The following ARSG variants were observed in gnomAD, a reference collection of about 807,000 sequenced individuals.
ARSG encodes the protein ASG.
A neutral mutation model predicts 50.5 loss-of-function variants in ARSG; 37 were observed. The observed-to-expected ratio is 0.73, with a 90% CI of 0.56 to 0.96. ARSG has a LOEUF of 0.96. Among genes scored for constraint, ARSG ranks in the 50% least tolerant of loss-of-function variants. The pLI, the probability that ARSG is intolerant of heterozygous loss-of-function variation, is 0.00. For missense variants in ARSG, 629 were observed against 675.3 expected (o/e 0.93, Z 0.76); for synonymous variants, 225 against 254.6 (o/e 0.88, Z 1.11).
chr17:68,359,103 C>T (rs921782139), intron 6 of ARSG, among the ~76,000 whole-genome samples: 18 of 152,058 alleles, frequency 1.2e-4, no homozygotes, highest in African/African-American at 4.1e-4. Flanking sequence ...GTGGAGCTTG[C>T]AGTGAGCCGA....
chr17:68,269,919 C>T (rs138614022), intron 1 of ARSG, among the ~76,000 whole-genome samples: 29,318 of 151,868 alleles, frequency 0.19, 2,867 homozygotes, highest in Middle Eastern at 0.3. Flanking sequence ...ATGATCCGCC[C>T]GCCTCATCCT....
At chr17:68,329,309 G>A (rs550213103) in intron 2 of ARSG, among the ~76,000 whole-genome samples, 269 of 152,376 alleles carry the variant, frequency 1.8e-3, no homozygotes, top group Admixed American at 4.1e-3. Context: ...ATGCCACACA[G>A]GGTCCAGATC....
At chr17:68,387,055 C>T (rs895436911) in intron 9 of ARSG, among the ~76,000 whole-genome samples, 7 of 150,708 alleles carry the variant, frequency 4.6e-5, no homozygotes, top group African/African-American at 1.2e-4. Context: ...CAATGACTTT[C>T]GCACCAACCT....
intron 1 of ARSG, among the ~76,000 whole-genome samples, chr17:68,264,146 G>A (rs1228216624): frequency 2.0e-5 from 3 of 152,142 alleles, no homozygotes; most frequent in Non-Finnish European, 2.9e-5. Context: ...ACAGGTGTGC[G>A]CCACCACGCC....
chr17:68,381,403 G>A lies in ARSG; in HGVS notation c.983-3661G>A, dbSNP rs1389966860. On this transcript the variant is annotated intron_variant, in intron 8 of 11. Coordinates refer to ENST00000621439, the MANE Select transcript of ARSG (RefSeq NM_001267727.2). The surrounding 1 kb of genome is among the most constrained non-coding windows in gnomAD (Gnocchi z 4.1). The stretch of plus-strand genomic sequence containing the variant: ...CAAGTGCGTAGAAATGCATTCTCAT[G>A]GCCATAAGACACGCATTTCTCGACA... Among the ~76,000 whole-genome samples, 2 of 152,180 alleles carry A rather than the reference G, an allele frequency of 1.3e-5. No individual in the cohort carries two copies. Among genetic ancestry groups the A allele is most frequent in the African/African-American group, 2.4e-5 (1 of 41,450 alleles).
the ARSG span, chr17:68,433,698 C>T: frequency 3.5e-6 from 2 of 576,820 alleles, no homozygotes; most frequent in South Asian, 2.1e-5. Context: ...GACCCAGATC[C>T]CTTAAACACT....
intron 2 of ARSG, among the ~76,000 whole-genome samples, chr17:68,314,546 TTAAG>T (rs2076998338): frequency 6.6e-5 from 8 of 120,976 alleles, no homozygotes; most frequent in Non-Finnish European, 1.3e-4. Flanking sequence ...AAAAAAAAAA[TTAAG>T]TAATCTGTAA....
chr17:68,272,626 G>A (rs1555749330), intron 1 of ARSG: 1 of 1,613,206 alleles, frequency 6.2e-7, no homozygotes, highest in South Asian at 1.1e-5. Context: ...TTAGGCTGTT[G>A]TAGTCCACCT....
At chr17:68,376,671 C>T (rs998170962) in intron 8 of ARSG, among the ~76,000 whole-genome samples, 1 of 151,834 alleles carries the variant, frequency 6.6e-6, no homozygotes, top group Non-Finnish European at 1.5e-5. Context: ...TTCCCACTCC[C>T]CCTCCAGCAT....
chr17:68,388,183 G>A (rs79328039), intron 9 of ARSG, among the ~76,000 whole-genome samples: 4,386 of 152,282 alleles, frequency 0.029, 123 homozygotes, highest in East Asian at 0.14. Context: ...CAGGAGGCCA[G>A]GGCTTTGGCA....
At chr17:68,346,506 G>T (rs756124322) in intron 3 of ARSG, among the ~76,000 whole-genome samples, 3 of 152,154 alleles carry the variant, frequency 2.0e-5, no homozygotes, top group Non-Finnish European at 4.4e-5. Context: ...TCCTCAGAGC[G>T]GAAGAGCAGA....
the ARSG span, among the ~76,000 whole-genome samples, chr17:68,431,833 A>G: frequency 3.4e-4 from 7 of 20,782 alleles, no homozygotes; most frequent in Non-Finnish European, 7.1e-4. Flanking sequence ...GCTCACAGAC[A>G]GAAACGGGAG....
intron 9 of ARSG, among the ~76,000 whole-genome samples, chr17:68,389,324 G>A (rs1029388136): frequency 2.0e-5 from 3 of 152,086 alleles, no homozygotes; most frequent in Admixed American, 1.3e-4. Context: ...CTGCAACCCC[G>A]GTTCTCCCTG....
chr17:68,443,360 G>A, the ARSG span, among the ~76,000 whole-genome samples: 6 of 152,206 alleles, frequency 3.9e-5, no homozygotes, highest in South Asian at 2.1e-4. Context: ...TGATCCACCC[G>A]CCTCGGCCTC....
At chr17:68,353,788 G>A (rs563763761) in intron 5 of ARSG, among the ~76,000 whole-genome samples, 24 of 152,148 alleles carry the variant, frequency 1.6e-4, no homozygotes, top group Admixed American at 5.9e-4. Flanking sequence ...TACAATTTCC[G>A]CCTCCCAGGT....
chr17:68,267,502 C>G (rs2075194969), intron 1 of ARSG: 1 of 152,132 alleles, frequency 6.6e-6, no homozygotes, highest in South Asian at 2.1e-4. Flanking sequence ...ACTTTCATTT[C>G]AGTGCAGAGA....
chr17:68,271,766 G>C lies in ARSG; in HGVS notation c.-552+12340G>C, dbSNP rs192279074. The C allele has an allele frequency of 2.2e-5, 17 of 772,924 alleles. No individual in the cohort carries two copies. In the East Asian group the frequency reaches 4.0e-4, roughly 18 times the overall value. 47.9% of individuals were successfully genotyped at this position (772,924 alleles called of 1,614,324 possible). A position where few individuals can be genotyped will look rare whatever the true frequency, so the allele number is the denominator to read the frequency against. ...TCCAGATTTTGTTATAAGTTCTGTGGAAATTTATTATACTCAGCAGTATGA... is the reference window on the plus strand; with the variant it reads ...TCCAGATTTTGTTATAAGTTCTGTGCAAATTTATTATACTCAGCAGTATGA... On this transcript the variant is annotated intron_variant, in intron 1 of 11. Coordinates refer to the ARSG transcript ENST00000448504. This position sits in a 1 kb window ranked among gnomAD's most constrained non-coding sequence, Gnocchi z 5.3.
At chr17:68,413,411 G>T (rs568611146) in intron 11 of ARSG, among the ~76,000 whole-genome samples, 1 of 152,066 alleles carries the variant, frequency 6.6e-6, no homozygotes, top group Non-Finnish European at 1.5e-5. Flanking sequence ...CTGCTGGGGG[G>T]TGCCTCCCAG....
chr17:68,443,400 A>G, the ARSG span, among the ~76,000 whole-genome samples: 4 of 152,220 alleles, frequency 2.6e-5, no homozygotes, highest in Non-Finnish European at 5.9e-5. Flanking sequence ...GGTGTGAGCC[A>G]CCGCACCCGG....
Sources: gnomAD v4.1 joint callset for allele counts (sites outside exome capture counted in the v4.1 genomes callset) on GRCh38, gnomAD v4.1.1 for gene constraint, Gnocchi (gnomAD v3.1) non-coding constraint, MANE v1.5 for transcripts, NCBI Gene and HGNC (gene_info 2026-07-23, HGNC 2026-07-21) for gene names.